The following PACS1 variants were observed in gnomAD, a reference collection of about 807,000 sequenced individuals.
PACS1 encodes PACS-1.
In PACS1, 24 loss-of-function variants were observed where a neutral mutation model predicts 115.0. The ratio of observed to expected loss-of-function variants is 0.21; its 90% CI spans 0.15 to 0.29. The LOEUF is 0.29. PACS1 is among the 10% of genes least tolerant of loss of function. The probability of loss-of-function intolerance (pLI) is 1.00; values close to 1 mark genes in which losing one functional copy is unlikely to be tolerated. For missense variants in PACS1, 838 were observed against 1,251.2 expected (o/e 0.67, Z 4.98); for synonymous variants, 453 against 504.5 (o/e 0.90, Z 1.37).
intron 1 of PACS1, among the ~76,000 whole-genome samples, chr11:66,167,604 A>C (rs1859637842): frequency 6.7e-6 from 1 of 149,906 alleles, no homozygotes; most frequent in Non-Finnish European, 1.5e-5. Context: ...ATTTTTAGAA[A>C]TCTACTCTTA....
chr11:66,145,693 C>A (rs968182882), intron 1 of PACS1, among the ~76,000 whole-genome samples: 2 of 152,094 alleles, frequency 1.3e-5, no homozygotes, highest in Non-Finnish European at 2.9e-5. Context: ...CAGGGCTGAT[C>A]CGAAAGGAAA....
At chr11:66,153,250 C>T (rs1253735274) in intron 1 of PACS1, among the ~76,000 whole-genome samples, 5 of 152,122 alleles carry the variant, frequency 3.3e-5, no homozygotes, top group Non-Finnish European at 5.9e-5. Context: ...CCTGCTTCAG[C>T]CTCCTGAGTA....
chr11:66,071,221 A>T (rs2134487742), intron 1 of PACS1, among the ~76,000 whole-genome samples: 1 of 152,230 alleles, frequency 6.6e-6, no homozygotes, highest in South Asian at 2.1e-4. Flanking sequence ...TCTTGATATT[A>T]TTATTTCCCA....
chr11:66,156,255 G>GTT (rs538990110), intron 1 of PACS1, among the ~76,000 whole-genome samples: 3 of 69,580 alleles, frequency 4.3e-5, no homozygotes, highest in Admixed American at 1.6e-4. Flanking sequence ...TATATATATA[G>GTT]TTTTTTTTTT....
At chr11:66,159,235 C>G (rs1423766269) in intron 1 of PACS1, among the ~76,000 whole-genome samples, 1 of 152,178 alleles carries the variant, frequency 6.6e-6, no homozygotes, top group South Asian at 2.1e-4. Flanking sequence ...GTCGGGAGTT[C>G]GAGACCAGCC....
intron 1 of PACS1, among the ~76,000 whole-genome samples, chr11:66,170,967 C>G (rs542395018): frequency 6.8e-6 from 1 of 147,940 alleles, no homozygotes; most frequent in Non-Finnish European, 1.5e-5. Context: ...AATACAAGAT[C>G]AGTTTTTGAA....
intron 1 of PACS1, among the ~76,000 whole-genome samples, chr11:66,126,625 T>C (rs1590762025): frequency 6.6e-6 from 1 of 151,614 alleles, no homozygotes; most frequent in East Asian, 1.9e-4. Context: ...CAACTTTAAA[T>C]GCTTTTGACA....
chr11:66,100,768 C>G, intron 1 of PACS1: 2 of 456,204 alleles, frequency 4.4e-6, no homozygotes, highest in South Asian at 3.1e-5. Flanking sequence ...TCTCCCTCAC[C>G]GTGTGATGTC....
rs375982998 is a variant in PACS1 at position 66,154,321 on chromosome 11, C to A, written c.357-39165C>A. Among the ~76,000 whole-genome samples, 51 of 152,136 alleles carry A rather than the reference C, an allele frequency of 3.4e-4. 1 individual carries two copies. In the South Asian group the frequency reaches 9.6e-3, roughly 29 times the overall value. On this transcript the variant is annotated intron_variant, in intron 1 of 23. Transcript: ENST00000320580. The stretch of plus-strand genomic sequence containing the variant: ...TATTGTAGTGGTGCACACCTGTAGT[C>A]CTAGCTGCTCTAGAGGCTGAGGCAG...
chr11:66,216,872 T>G (rs1305862915), intron 7 of PACS1, 97 bp downstream of exon 7: 1 of 772,872 alleles, frequency 1.3e-6, no homozygotes, highest in Admixed American at 2.0e-5. Context: ...CTTCTTAAAA[T>G]CAACACAGGG....
At chr11:66,121,788 C>A (rs1291812352) in intron 1 of PACS1, among the ~76,000 whole-genome samples, 1 of 152,180 alleles carries the variant, frequency 6.6e-6, no homozygotes, top group Non-Finnish European at 1.5e-5. Context: ...GAGGAAGCTG[C>A]AGGAGAAAAG....
At chr11:66,193,299 C>A (rs1854570855) in intron 1 of PACS1, among the ~76,000 whole-genome samples, 187 bp from the exon 2 acceptor site, 1 of 152,008 alleles carries the variant, frequency 6.6e-6, no homozygotes, top group African/African-American at 2.4e-5. Context: ...ATAGTGAGAC[C>A]CATCTCTTAA....
At chr11:66,156,204 T>TTATATATATATA (rs61270162) in intron 1 of PACS1, among the ~76,000 whole-genome samples, 18 of 85,054 alleles carry the variant, frequency 2.1e-4, no homozygotes, top group Non-Finnish European at 3.2e-4. Context: ...ATTTTTTAAA[T>TTATATATATATA]TATATATATA....
intron 10 of PACS1, chr11:66,221,528 C>A: frequency 2.7e-6 from 1 of 371,932 alleles, no homozygotes; most frequent in East Asian, 5.1e-5. Flanking sequence ...CACCTGTAGT[C>A]CCAGCTACTC....
At chr11:66,083,414 T>C (rs377115128) in intron 1 of PACS1, among the ~76,000 whole-genome samples, 5 of 152,364 alleles carry the variant, frequency 3.3e-5, no homozygotes, top group African/African-American at 9.6e-5. Context: ...TGGCCGTAAT[T>C]ATTAAACACT....
intron 1 of PACS1, among the ~76,000 whole-genome samples, chr11:66,093,382 C>G (rs1184779626): frequency 6.7e-6 from 1 of 148,540 alleles, no homozygotes; most frequent in Non-Finnish European, 1.5e-5. Flanking sequence ...CAAAAAAAGG[C>G]AGGGGTTGCA....
chr11:66,103,760 C>T (rs964129140), intron 1 of PACS1, among the ~76,000 whole-genome samples: 9 of 151,958 alleles, frequency 5.9e-5, no homozygotes, highest in East Asian at 5.8e-4. Context: ...GTGATCCATC[C>T]GCTTCAGCCT....
At chr11:66,079,440 G>C (rs1260892475) in intron 1 of PACS1, among the ~76,000 whole-genome samples, 1 of 149,912 alleles carries the variant, frequency 6.7e-6, no homozygotes, top group Non-Finnish European at 1.5e-5. Context: ...CCTGCCTCTT[G>C]TTTACAAACA....
intron 2 of PACS1, among the ~76,000 whole-genome samples, chr11:66,200,020 AAAAAAC>A (rs926225475): frequency 3.4e-5 from 5 of 148,172 alleles, no homozygotes; most frequent in African/African-American, 1.2e-4. Context: ...CTCTGTCTCA[AAAAAAC>A]AAAAACAAAA....
Sources: allele counts gnomAD v4.1 joint callset (sites outside exome capture counted in the v4.1 genomes callset), GRCh38; gene constraint gnomAD v4.1.1; transcripts MANE v1.5; gene names NCBI Gene and HGNC (gene_info 2026-07-23, HGNC 2026-07-21).